The following SEMA3D variants were observed in gnomAD, a reference collection of about 807,000 sequenced individuals.
SEMA3D encodes the protein semaphorin-3D.
SEMA3D carries 84 observed loss-of-function variants against 100.1 expected under a neutral mutation model. That is an observed-to-expected ratio of 0.84 (90% CI 0.70 to 1.01). The LOEUF (loss-of-function observed/expected upper bound fraction) is 1.01. Among genes scored for constraint, SEMA3D ranks in the 50% least tolerant of loss-of-function variants. SEMA3D has a pLI of 0.00. For missense variants in SEMA3D, 875 were observed against 934.1 expected (o/e 0.94, Z 0.82); for synonymous variants, 312 against 320.7 (o/e 0.97, Z 0.29).
intron 2 of SEMA3D, chr7:85,141,575 A>G: frequency 1.0e-6 from 1 of 984,736 alleles, no homozygotes; most frequent in South Asian, 4.7e-5. Flanking sequence ...TGAAATTTAA[A>G]TTACTTAAGT....
At chr7:85,013,869 C>G (rs781183601) in intron 16 of SEMA3D, among the ~76,000 whole-genome samples, 1 of 151,688 alleles carries the variant, frequency 6.6e-6, no homozygotes, top group Non-Finnish European at 1.5e-5. Flanking sequence ...GGAACAGGGT[C>G]AATTCATCAA....
At chr7:85,221,720 A>G in the SEMA3D span, among the ~76,000 whole-genome samples, 2 of 152,130 alleles carry the variant, frequency 1.3e-5, no homozygotes, top group Admixed American at 6.6e-5. Context: ...TTTAGGAGAA[A>G]GAAAAGGAAA....
At chr7:85,147,003 G>A (rs1301886748) in intron 2 of SEMA3D, among the ~76,000 whole-genome samples, 1 of 151,088 alleles carries the variant, frequency 6.6e-6, no homozygotes, top group Non-Finnish European at 1.5e-5. Flanking sequence ...TCATCTTTCC[G>A]TATACCACAG....
At chr7:85,142,373 T>C (rs931976186) in intron 2 of SEMA3D, 1 of 908,788 alleles carries the variant, frequency 1.1e-6, no homozygotes, top group African/African-American at 1.8e-5. Flanking sequence ...AATTTATTTC[T>C]CTAGACATGA....
At chr7:85,175,816 T>A (rs145444970) in intron 1 of SEMA3D, among the ~76,000 whole-genome samples, 150 of 152,092 alleles carry the variant, frequency 9.9e-4, no homozygotes, top group African/African-American at 3.5e-3. Flanking sequence ...TATAAATATA[T>A]GAAGAGACAA....
At chr7:85,166,532 G>C (rs1379906839) in intron 1 of SEMA3D, among the ~76,000 whole-genome samples, 3 of 151,916 alleles carry the variant, frequency 2.0e-5, no homozygotes, top group Non-Finnish European at 4.4e-5. Flanking sequence ...ATTATTCTAA[G>C]TTGTGAACAC....
Position 85,013,298 on chromosome 7 carries a change from T to A in SEMA3D, c.1704-452A>T, listed in dbSNP as rs553272357. 5.9e-5 allele frequency among the ~76,000 whole-genome samples: 9 copies of A among 151,868 alleles called. No individual in the cohort carries two copies. In the East Asian group the frequency reaches 1.8e-3, roughly 30 times the overall value. On this transcript the variant is annotated intron_variant, in intron 16 of 18. Transcript: ENST00000284136. ...AAACACCTTGTCATGTAAAGATTCA[T>A]TATTGCATAGATTTAATTAAGCAAC...
intron 1 of SEMA3D, among the ~76,000 whole-genome samples, chr7:85,183,294 A>G (rs1583997201): frequency 2.0e-5 from 3 of 152,308 alleles, no homozygotes; most frequent in Admixed American, 2.0e-4. Context: ...CATGCAATGG[A>G]TTGAGAGCAC....
rs141397060 is a variant in SEMA3D at position 85,140,377 on chromosome 7, G to A, written c.-41+13231C>T. The A allele has an allele frequency of 3.6e-3, 3,553 of 979,188 alleles. 19 individuals are homozygous for A. The highest frequency in any genetic ancestry group is 3.7e-3 in the Non-Finnish European group (3,036 of 824,472). The allele number at this position is 979,188 out of a possible 1,614,324, so 60.7% of individuals were successfully genotyped here. A position where few individuals can be genotyped will look rare whatever the true frequency, so the allele number is the denominator to read the frequency against. On this transcript the variant is annotated intron_variant, in intron 2 of 18. Transcript: ENST00000284136. ...GGTTTACATCCAGCCAGTAGATGTT[G>A]GTAAATTATTCTATTTTTGTGAATT...
intron 2 of SEMA3D, among the ~76,000 whole-genome samples, chr7:85,135,536 T>C (rs185694809): frequency 8.6e-5 from 13 of 151,682 alleles, no homozygotes; most frequent in Admixed American, 7.9e-4. Flanking sequence ...GGGAAAGCAT[T>C]AGGGGAGATA....
At chr7:85,244,415 A>G in the SEMA3D span, among the ~76,000 whole-genome samples, 13 of 152,092 alleles carry the variant, frequency 8.5e-5, no homozygotes, top group Admixed American at 7.2e-4. Flanking sequence ...TCAAATCTTA[A>G]TATGATTTTC....
rs533707788 is a variant in SEMA3D, at chr7:85,119,525, G to A, written c.151+2216C>T. Among the ~76,000 whole-genome samples the A allele has an allele frequency of 2.6e-5, 4 of 152,162 alleles. No individual in the cohort carries two copies. In the South Asian group the frequency reaches 8.3e-4, roughly 32 times the overall value. ...CTACTAATGGAGGGGAAAAAATACT[G>A]CATACTCTCACTTATAAGTGGGAAC... On this transcript the variant is annotated intron_variant, in intron 3 of 18. Coordinates refer to ENST00000284136, the MANE Select transcript of SEMA3D (RefSeq NM_001384900.1).
At chr7:85,084,247 G>A (rs747606402) in intron 4 of SEMA3D, among the ~76,000 whole-genome samples, 1 of 151,884 alleles carries the variant, frequency 6.6e-6, no homozygotes, top group Non-Finnish European at 1.5e-5. Flanking sequence ...CCCCTCCACT[G>A]GTCCAATTTT....
intron 3 of SEMA3D, among the ~76,000 whole-genome samples, chr7:85,109,230 T>C (rs1789019549): frequency 6.6e-6 from 1 of 151,960 alleles, no homozygotes; most frequent in Non-Finnish European, 1.5e-5. Flanking sequence ...AAACCTAGAC[T>C]CAGAAAGACA....
Position 85,070,599 on chromosome 7 carries a change from G to T in SEMA3D, c.496-2315C>A, listed in dbSNP as rs17159599. ...CATTAAAAAAGTTAACAATTTTCAA[G>T]CAGGGCTGCCATACAATTACCTGTA... On this transcript the variant is annotated intron_variant, in intron 6 of 18. Transcript: ENST00000284136. 6.3e-3 allele frequency among the ~76,000 whole-genome samples: 965 copies of T among 152,206 alleles called. 9 individuals are homozygous for T. The highest frequency in any genetic ancestry group is 0.022 in the African/African-American group (923 of 41,518).
chr7:85,031,954 T>C (rs1005730099), intron 12 of SEMA3D, among the ~76,000 whole-genome samples: 1 of 151,916 alleles, frequency 6.6e-6, no homozygotes, highest in Admixed American at 6.6e-5. Flanking sequence ...AGGTGGGACA[T>C]TCGGCAGTAT....
the SEMA3D span, among the ~76,000 whole-genome samples, chr7:85,193,888 A>C: frequency 6.8e-6 from 1 of 146,988 alleles, no homozygotes; most frequent in African/African-American, 2.6e-5. Flanking sequence ...AAAAAAAAAA[A>C]CGCAGTTTAA....
intron 9 of SEMA3D, among the ~76,000 whole-genome samples, chr7:85,049,509 T>TAAA (rs201275783): frequency 6.9e-6 from 1 of 144,230 alleles, no homozygotes. Context: ...TTCATTCAAT[T>TAAA]AAAAAAAAAA....
At chr7:85,130,895 T>A (rs1220037908) in intron 2 of SEMA3D, among the ~76,000 whole-genome samples, 1 of 152,066 alleles carries the variant, frequency 6.6e-6, no homozygotes, top group Non-Finnish European at 1.5e-5. Flanking sequence ...CCAAGGTCTG[T>A]CACTTGCTTT....
Sources: gnomAD v4.1 joint callset for allele counts (sites outside exome capture counted in the v4.1 genomes callset) on GRCh38, gnomAD v4.1.1 for gene constraint, MANE v1.5 for transcripts, NCBI Gene and HGNC (gene_info 2026-07-23, HGNC 2026-07-21) for gene names.